Variants in ATP2B1 observed in about 807,000 individuals in gnomAD.
ATP2B1 encodes the protein ATPase plasma membrane Ca2+ transporting 1.
In ATP2B1, 14 loss-of-function variants were observed where a neutral mutation model predicts 124.2. That is an observed-to-expected ratio of 0.11 (90% CI 0.07 to 0.18). ATP2B1 has a LOEUF of 0.18. ATP2B1 is among the 10% of genes least tolerant of loss of function. ATP2B1 has a pLI of 1.00. For missense variants in ATP2B1, 763 were observed against 1,466.1 expected (o/e 0.52, Z 7.83); for synonymous variants, 449 against 492.4 (o/e 0.91, Z 1.17).
chr12:89,667,396 T>C (rs1887441337), intron 1 of ATP2B1, among the ~76,000 whole-genome samples: 2 of 152,320 alleles, frequency 1.3e-5, no homozygotes, highest in South Asian at 2.1e-4. Flanking sequence ...ACATCTTAAA[T>C]GAGGGTATTA....
At chr12:89,595,282 T>C (rs1185703463) in intron 20 of ATP2B1, among the ~76,000 whole-genome samples, 1 of 152,046 alleles carries the variant, frequency 6.6e-6, no homozygotes, top group Admixed American at 6.6e-5. Context: ...AAGCTGTAGT[T>C]TGCTGATCCT....
At position 89,655,740 on chromosome 12, in the gene ATP2B1, T is replaced by C. The variant is rs775957084; in HGVS notation, c.147A>G (p.Ile49Met). Residue 49 changes from isoleucine to methionine, a missense_variant, in exon 2 of 21, where the codon ATA becomes ATG. This residue lies in a region of ATP2B1 where 93 missense variants were observed against 112.7 expected (regional missense o/e 0.83). Transcript: ENST00000428670. The stretch of plus-strand genomic sequence containing the variant: ...CATAGACATCTCCATAGCTTTCCTG[T>C]ATTTTTCGTAATGCATCTGTGGACC... Reference protein sequence around the residue: ...ELRSTDALRKIQESYGDVYGI... With the variant: ...ELRSTDALRKMQESYGDVYGI... 6.2e-7 allele frequency: 1 copy of C among 1,614,220 alleles called. No homozygotes were observed.
chr12:89,687,442 G>C (rs1448252894), intron 1 of ATP2B1, among the ~76,000 whole-genome samples: 1 of 152,060 alleles, frequency 6.6e-6, no homozygotes, highest in Admixed American at 6.6e-5. Context: ...ACGCATTTCT[G>C]TATATGGGAG....
At chr12:89,680,505 T>G (rs1291829627) in intron 1 of ATP2B1, among the ~76,000 whole-genome samples, 2 of 152,124 alleles carry the variant, frequency 1.3e-5, no homozygotes, top group Non-Finnish European at 2.9e-5. Flanking sequence ...GTAGAAAATC[T>G]AGCAAGGGTC....
chr12:89,688,586 G>C (rs1241677051), intron 1 of ATP2B1, among the ~76,000 whole-genome samples: 2 of 152,030 alleles, frequency 1.3e-5, no homozygotes, highest in African/African-American at 4.8e-5. Context: ...CCTAGTATCT[G>C]AAACTATAGG....
Position 89,634,642 on chromosome 12 carries a change from G to A in ATP2B1, c.787+136C>T, listed in dbSNP as rs866431508. The stretch of plus-strand genomic sequence containing the variant: ...TCAGCTTACCAAAAAAAGTCTGCAA[G>A]GATTACAACAGTAGAAGGTAGCATA... On this transcript the variant is annotated intron_variant, in intron 5 of 20. Transcript: ENST00000428670. The A allele has an allele frequency of 1.4e-5, 13 of 926,860 alleles. No homozygotes were observed. In the Middle Eastern group the frequency reaches 1.5e-3, roughly 105 times the overall value. The allele number at this position is 926,860 out of a possible 1,614,324, so 57.4% of individuals were successfully genotyped here.
At chr12:89,610,395 G>C (rs750049251) in intron 14 of ATP2B1, 26 bp downstream of exon 14, 3 of 1,575,972 alleles carry the variant, frequency 1.9e-6, no homozygotes, top group Non-Finnish European at 2.6e-6. Context: ...TTAAGAAATT[G>C]TGAAATAACT....
intron 2 of ATP2B1, among the ~76,000 whole-genome samples, chr12:89,644,840 C>T (rs1884195032): frequency 6.6e-6 from 1 of 152,156 alleles, no homozygotes; most frequent in Non-Finnish European, 1.5e-5. Context: ...CAAATCTTAA[C>T]ATATTGGTTA....
chr12:89,657,917 T>C (rs1451180408), intron 1 of ATP2B1, among the ~76,000 whole-genome samples: 2 of 152,160 alleles, frequency 1.3e-5, no homozygotes, highest in Non-Finnish European at 2.9e-5. Flanking sequence ...TGCAAGACAT[T>C]TTCTTGCATT....
rs754763436 is a variant in ATP2B1 at position 89,621,729 on chromosome 12, A to C, written c.1407T>G (p.Ala469=). ...HLDACETMGN[A]TAICSDKTGT... is the part of the protein sequence containing the mutation. ...CTGTTTTATCTGAACAAATAGCTGTAGCATTTCCCATGGTTTCACAAGCAT... is the reference window on the plus strand; with the variant it reads ...CTGTTTTATCTGAACAAATAGCTGTCGCATTTCCCATGGTTTCACAAGCAT... Residue 469 remains alanine (A), a synonymous_variant, in exon 10 of 21, where the codon GCT becomes GCG. Coordinates refer to ENST00000428670, the MANE Select transcript of ATP2B1 (RefSeq NM_001366521.1). 1 of 1,609,846 alleles carries C rather than the reference A, an allele frequency of 6.2e-7. No individual in the cohort carries two copies. The highest frequency in any genetic ancestry group is 8.5e-7 in the Non-Finnish European group (1 of 1,177,796).
At chr12:89,686,249 C>T (rs1196168589) in intron 1 of ATP2B1, among the ~76,000 whole-genome samples, 2 of 152,008 alleles carry the variant, frequency 1.3e-5, no homozygotes, top group Admixed American at 1.3e-4. Context: ...AGAAGATAAA[C>T]CAAAAGTATA....
At chr12:89,607,057 A>G (rs1877053425) in intron 15 of ATP2B1, among the ~76,000 whole-genome samples, 2 of 152,196 alleles carry the variant, frequency 1.3e-5, no homozygotes, top group African/African-American at 4.8e-5. Flanking sequence ...ACAAGTCTGG[A>G]AAACTTTCAA....
chr12:89,631,951 A>C (rs908999207), intron 5 of ATP2B1, among the ~76,000 whole-genome samples: 12 of 152,040 alleles, frequency 7.9e-5, no homozygotes, highest in Non-Finnish European at 1.8e-4. Flanking sequence ...ACAACTATTA[A>C]ATGTCAAGGC....
chr12:89,691,193 T>A (rs1008767319), intron 1 of ATP2B1, among the ~76,000 whole-genome samples: 1 of 152,102 alleles, frequency 6.6e-6, no homozygotes, highest in African/African-American at 2.4e-5. Context: ...AAAAAAATCA[T>A]CATCCTATTT....
intron 2 of ATP2B1, among the ~76,000 whole-genome samples, chr12:89,645,009 C>T (rs893529780): frequency 6.6e-6 from 1 of 152,180 alleles, no homozygotes; most frequent in African/African-American, 2.4e-5. Context: ...ACACCTAGGA[C>T]ACTATACCAA....
chr12:89,690,507 T>G (rs1377324697), intron 1 of ATP2B1, among the ~76,000 whole-genome samples: 3 of 151,952 alleles, frequency 2.0e-5, no homozygotes, highest in Non-Finnish European at 4.4e-5. Context: ...CTGAATCAAC[T>G]CAGAATGTCA....
In ATP2B1 at chr12:89,708,816, G is replaced by C. The variant is rs1163784656; in HGVS notation, c.-442C>G. ...AGAGGCTCGGCGTCCACCAGCCGGG[G>C]CTCCCTACTCACGCTGCACTGCGAG... is the stretch of plus-strand genomic sequence containing the variant. On this transcript the variant is annotated 5_prime_UTR_variant, in exon 1 of 21. Coordinates refer to ENST00000428670, the MANE Select transcript of ATP2B1 (RefSeq NM_001366521.1). 6.6e-6 allele frequency: 1 copy of C among 151,974 alleles called. No individual in the cohort carries two copies. The highest frequency in any genetic ancestry group is 1.5e-5 in the Non-Finnish European group (1 of 68,010). The allele number at this position is 151,974 out of a possible 1,614,324, so 9.4% of individuals were successfully genotyped here.
intron 2 of ATP2B1, among the ~76,000 whole-genome samples, chr12:89,655,057 A>G (rs1288198304): frequency 6.6e-6 from 1 of 152,172 alleles, no homozygotes; most frequent in Non-Finnish European, 1.5e-5. Context: ...TTGATTCTCA[A>G]AAGGAAAACC....
chr12:89,590,743 A>G lies in ATP2B1; in HGVS notation c.*241T>C, dbSNP rs1873399739. ...GGGTACTACTGATGATCCACAGGTC[A>G]CTTACGCTGAGTTACTGTTTATCTG... On this transcript the variant is annotated 3_prime_UTR_variant, in exon 21 of 21. Coordinates refer to ENST00000428670, the MANE Select transcript of ATP2B1 (RefSeq NM_001366521.1). 5 of 446,242 alleles carry G rather than the reference A, an allele frequency of 1.1e-5. No homozygotes were observed. Among genetic ancestry groups the G allele is most frequent in the African/African-American group, 2.0e-5 (1 of 50,474 alleles). 27.6% of individuals were successfully genotyped at this position (446,242 alleles called of 1,614,324 possible).
Sources: gnomAD v4.1 joint callset for allele counts (sites outside exome capture counted in the v4.1 genomes callset) on GRCh38, gnomAD v4.1.1 for gene constraint, gnomAD v4.1.1 regional missense constraint, MANE v1.5 for transcripts, NCBI Gene and HGNC (gene_info 2026-07-23, HGNC 2026-07-21) for gene names.